Variants in FAAH2 observed in about 807,000 individuals in gnomAD.
The protein encoded by FAAH2 is fatty-acid amide hydrolase 2.
Under a neutral mutation model 36.9 loss-of-function variants are expected in FAAH2, and 60 were observed. The ratio of observed to expected loss-of-function variants is 1.63; its 90% CI spans 1.32 to 2.02. The LOEUF (loss-of-function observed/expected upper bound fraction) is 2.02. Ranked by LOEUF, FAAH2 falls within the 30% of genes most tolerant of loss-of-function variation. The probability of loss-of-function intolerance (pLI) is 0.00; values close to 1 mark genes in which losing one functional copy is unlikely to be tolerated. For synonymous variants in FAAH2, 214 were observed against 143.8 expected, an observed-to-expected ratio of 1.49 and a Z score of -3.49; for missense variants, 689 against 397.5, an observed-to-expected ratio of 1.73 and a Z score of -6.23.
At chrX:57,215,897 C>G in the FAAH2 span, among the ~76,000 whole-genome samples, 2 of 76,835 alleles carry the variant, frequency 2.6e-5, no homozygotes, top group African/African-American at 1.5e-4. Flanking sequence ...AGCAAACCAC[C>G]ATGGCACTCA....
At chrX:57,484,353 T>A (rs919204986) in intron 10 of FAAH2, among the ~76,000 whole-genome samples, 1 of 111,149 alleles carries the variant, frequency 9.0e-6, no homozygotes, top group Non-Finnish European at 1.9e-5. Flanking sequence ...GGCACTAGTC[T>A]TGATAGGGGT....
chrX:57,232,156 C>T, the FAAH2 span, among the ~76,000 whole-genome samples: 1 of 111,782 alleles, frequency 8.9e-6, no homozygotes, highest in Admixed American at 9.5e-5. Flanking sequence ...GTGCTAGCCC[C>T]CTCAAGGAAA....
At chrX:57,256,819 A>T in the FAAH2 span, among the ~76,000 whole-genome samples, 1 of 112,385 alleles carries the variant, frequency 8.9e-6, no homozygotes, top group Non-Finnish European at 1.9e-5. Context: ...TAATATCCAG[A>T]ATCTACAAGA....
intron 5 of FAAH2, among the ~76,000 whole-genome samples, chrX:57,350,536 T>C (rs2053971920): frequency 9.0e-6 from 1 of 110,830 alleles, no homozygotes; most frequent in Non-Finnish European, 1.9e-5. Context: ...AACATAAACA[T>C]ATTAAAATCT....
upstream of FAAH2, among the ~76,000 whole-genome samples, chrX:57,286,405 G>T (rs747634460): frequency 8.9e-6 from 1 of 111,807 alleles, no homozygotes; most frequent in African/African-American, 3.2e-5. Flanking sequence ...TGTGCTAAAT[G>T]TTTTTACTTA....
intron 2 of FAAH2, among the ~76,000 whole-genome samples, chrX:57,296,329 C>A (rs905523577): frequency 3.6e-5 from 4 of 111,842 alleles, no homozygotes; most frequent in African/African-American, 1.3e-4. Context: ...ACTGCTGATA[C>A]CCAGGCAAAC....
chrX:57,481,915 C>T (rs916693578), intron 10 of FAAH2, among the ~76,000 whole-genome samples: 1 of 111,834 alleles, frequency 8.9e-6, no homozygotes, highest in Non-Finnish European at 1.9e-5. Flanking sequence ...TGTAAGCACC[C>T]GACTGGGGCT....
chrX:57,467,506 G>C, intron 10 of FAAH2, among the ~76,000 whole-genome samples: 1 of 111,780 alleles, frequency 8.9e-6, no homozygotes, highest in East Asian at 2.8e-4. Flanking sequence ...CTCATTGCTA[G>C]CATAGCAGTC....
At chrX:57,287,041 C>G in intron 1 of FAAH2, 24 bp downstream of exon 1, 9 of 1,136,159 alleles carry the variant, frequency 7.9e-6, no homozygotes, top group Non-Finnish European at 1.1e-5. Flanking sequence ...TCAGAAGAGG[C>G]TGGAGGGACA....
intron 5 of FAAH2, among the ~76,000 whole-genome samples, chrX:57,369,287 T>C (rs776381426): frequency 2.0e-4 from 22 of 110,946 alleles, no homozygotes; most frequent in Non-Finnish European, 3.2e-4. Context: ...GTAGAAGAGA[T>C]GGAGAAAAGC....
intron 3 of FAAH2, among the ~76,000 whole-genome samples, chrX:57,313,464 T>C (rs2052751717): frequency 1.9e-5 from 2 of 107,001 alleles, no homozygotes; most frequent in South Asian, 8.4e-4. Flanking sequence ...AATACAAAAA[T>C]AAATAAATAA....
At chrX:57,306,382 C>T (rs1184608883) in intron 2 of FAAH2, among the ~76,000 whole-genome samples, 1 of 110,841 alleles carries the variant, frequency 9.0e-6, no homozygotes, top group Admixed American at 9.7e-5. Flanking sequence ...CTTTTCATTG[C>T]AATAGAATTG....
At chrX:57,247,515 G>A in the FAAH2 span, among the ~76,000 whole-genome samples, 2 of 110,888 alleles carry the variant, frequency 1.8e-5, no homozygotes, top group Non-Finnish European at 3.8e-5. Flanking sequence ...AACAGCACCA[G>A]AGCAGGCCAT....
the FAAH2 span, among the ~76,000 whole-genome samples, chrX:57,152,519 C>G: frequency 8.9e-6 from 1 of 112,480 alleles, no homozygotes; most frequent in Non-Finnish European, 1.9e-5. Flanking sequence ...TGATCTCAGA[C>G]TGCTGTGCTA....
rs1238344373 is a variant in FAAH2 at position 57,403,266 on chromosome X, C to T, written c.996+22237C>T. Among the ~76,000 whole-genome samples the T allele has an allele frequency of 3.6e-5, 4 of 112,379 alleles. No individual in the cohort carries two copies. In the Admixed American group the frequency reaches 3.7e-4, roughly 11 times the overall value. On this transcript the variant is annotated intron_variant, in intron 7 of 10. Coordinates refer to ENST00000374900, the MANE Select transcript of FAAH2 (RefSeq NM_174912.4). ...TTTCCAATGGACATTAGTCTTACAG[C>T]GTCCTCTGTGGTCCTAATGCTTATT...
chrX:57,419,235 T>G (rs1463992980), intron 7 of FAAH2, among the ~76,000 whole-genome samples: 1 of 111,013 alleles, frequency 9.0e-6, no homozygotes, highest in Non-Finnish European at 1.9e-5. Context: ...ATATACCCAG[T>G]AATGGGATGG....
the FAAH2 span, among the ~76,000 whole-genome samples, chrX:57,278,714 C>A: frequency 9.0e-6 from 1 of 110,974 alleles, no homozygotes; most frequent in Non-Finnish European, 1.9e-5. Context: ...ATCCACCTGA[C>A]AAAGGGCTAA....
intron 7 of FAAH2, among the ~76,000 whole-genome samples, chrX:57,407,459 G>A (rs1442746248): frequency 1.8e-5 from 2 of 112,096 alleles, no homozygotes; most frequent in Admixed American, 1.9e-4. Context: ...TGTCACATGG[G>A]TGAGGGGAGC....
chrX:57,272,172 T>C, the FAAH2 span, among the ~76,000 whole-genome samples: 18 of 102,795 alleles, frequency 1.8e-4, no homozygotes, highest in African/African-American at 6.4e-4. Flanking sequence ...ACCAACTTAA[T>C]GAAATAAAGA....
Sources: gnomAD v4.1 joint callset for allele counts (sites outside exome capture counted in the v4.1 genomes callset) on GRCh38, gnomAD v4.1.1 for gene constraint, MANE v1.5 for transcripts, NCBI Gene and HGNC (gene_info 2026-07-23, HGNC 2026-07-21) for gene names.